Variants in ZBTB49 observed in about 807,000 individuals in gnomAD.
The protein encoded by ZBTB49 is zinc finger and BTB domain-containing protein 49.
Under a neutral mutation model 57.5 loss-of-function variants are expected in ZBTB49, and 43 were observed. The observed-to-expected ratio is 0.75, with a 90% CI of 0.59 to 0.97. ZBTB49 has a LOEUF of 0.97. Among genes scored for constraint, ZBTB49 ranks in the 50% least tolerant of loss-of-function variants. The pLI is 0.00. For synonymous variants in ZBTB49, 369 were observed against 362.1 expected, an observed-to-expected ratio of 1.02 and a Z score of -0.22; for missense variants, 938 against 947.7, an observed-to-expected ratio of 0.99 and a Z score of 0.13.
rs71169632 is a variant in ZBTB49 at position 4,299,810 on chromosome 4, T to TGTGAGA, written c.-19-116_-19-115insTGAGAG. On this transcript the variant is annotated intron_variant, in intron 1 of 7. Transcript: ENST00000337872. ...GTGTGTGTGTGTGTGTGTGTGTGTGTGAGAGAGAAACTGTGATGAGAGAGT... is the reference window on the plus strand; with the variant it reads ...GTGTGTGTGTGTGTGTGTGTGTGTGTGTGAGAGAGAGAGAAACTGTGATGAGAGAGT... 2.2e-4 allele frequency: 134 copies of TGTGAGA among 607,890 alleles called. No homozygotes were observed. In the African/African-American group the frequency reaches 2.4e-3, roughly 11 times the overall value. 37.7% of individuals were successfully genotyped at this position (607,890 alleles called of 1,614,324 possible).
intron 1 of ZBTB49, among the ~76,000 whole-genome samples, chr4:4,290,612 C>G (rs1359464526): frequency 6.6e-6 from 1 of 152,232 alleles, no homozygotes; most frequent in African/African-American, 2.4e-5. Context: ...CGGGCCTTCT[C>G]CCTGGTGCAG....
rs755167878 is a variant in ZBTB49, at chr4:4,302,321, C to G, written c.485C>G (p.Ala162Gly). 1 of 1,614,226 alleles carries G rather than the reference C, an allele frequency of 6.2e-7. No individual in the cohort carries two copies. The highest frequency in any genetic ancestry group is 1.1e-5 in the South Asian group (1 of 91,086). ...CCTCATTTACTGCAGGAATGTTCAG[C>G]AGATGCACAGCAGAACAAAACGTTG... Reference protein sequence around the residue: ...YPPHLLQECSADAQQNKTLDE... With the variant: ...YPPHLLQECSGDAQQNKTLDE... The change falls in exon 3 of 8, where the codon GCA becomes GGA. Residue 162 changes from alanine (A) to glycine (G), a missense_variant. Physicochemically the swap from Ala to Gly is moderately conservative, Grantham distance 60. This residue lies in a region of ZBTB49 where 835 missense variants were observed against 819.1 expected (regional missense o/e 1.02). Transcript: ENST00000337872.
chr4:4,291,437 T>A (rs1453258652), intron 1 of ZBTB49, among the ~76,000 whole-genome samples: 1 of 152,240 alleles, frequency 6.6e-6, no homozygotes, highest in Non-Finnish European at 1.5e-5. Context: ...CATTTTAACT[T>A]AATTACCTTC....
intron 1 of ZBTB49, among the ~76,000 whole-genome samples, chr4:4,290,558 G>C (rs1719841305): frequency 6.6e-6 from 1 of 152,254 alleles, no homozygotes; most frequent in South Asian, 2.1e-4. Context: ...CATCACAGGG[G>C]ACGCGGACTG....
intron 3 of ZBTB49, among the ~76,000 whole-genome samples, chr4:4,303,696 T>C (rs1282607306): frequency 1.3e-5 from 2 of 148,580 alleles, no homozygotes; most frequent in East Asian, 2.0e-4. Context: ...TCATGCCTCT[T>C]TCTCTTTCCC....
intron 1 of ZBTB49, among the ~76,000 whole-genome samples, chr4:4,295,301 G>A (rs1369610229): frequency 2.0e-5 from 3 of 152,154 alleles, no homozygotes; most frequent in Non-Finnish European, 4.4e-5. Flanking sequence ...AGAGAGAACC[G>A]GGTGGGGGGA....
At chr4:4,320,196 C>T (rs1721347600) in intron 7 of ZBTB49, among the ~76,000 whole-genome samples, 1 of 152,194 alleles carries the variant, frequency 6.6e-6, no homozygotes, top group Non-Finnish European at 1.5e-5. Flanking sequence ...TGGCAGGTGC[C>T]TACGGCACCC....
chr4:4,300,217 G>T, intron 2 of ZBTB49, 120 bp downstream of exon 2: 2 of 1,123,414 alleles, frequency 1.8e-6, no homozygotes, highest in Non-Finnish European at 1.2e-6. Flanking sequence ...TAGCACATTG[G>T]ATTTTGTAGG....
chr4:4,290,786 G>A (rs376953164), intron 1 of ZBTB49, among the ~76,000 whole-genome samples: 13 of 152,352 alleles, frequency 8.5e-5, no homozygotes, highest in Non-Finnish European at 1.6e-4. Context: ...CCACAGCCTA[G>A]CTCAGTTTCA....
At chr4:4,317,938 G>C (rs903139097) in intron 7 of ZBTB49, among the ~76,000 whole-genome samples, 1 of 152,154 alleles carries the variant, frequency 6.6e-6, no homozygotes, top group Non-Finnish European at 1.5e-5. Flanking sequence ...GGCTTCGTTG[G>C]GGTTTCACTG....
At chr4:4,320,214 G>C (rs924058890) in intron 7 of ZBTB49, among the ~76,000 whole-genome samples, 2 of 152,356 alleles carry the variant, frequency 1.3e-5, no homozygotes, top group African/African-American at 4.8e-5. Context: ...CCCATGTGCA[G>C]GGAGACTCAG....
At chr4:4,310,569 G>T (rs1720944996) in intron 4 of ZBTB49, among the ~76,000 whole-genome samples, 1 of 149,826 alleles carries the variant, frequency 6.7e-6, no homozygotes, top group South Asian at 2.1e-4. Flanking sequence ...GAGTGCAGTG[G>T]CATGATCTCG....
At chr4:4,292,071 G>C (rs1489040083) in intron 1 of ZBTB49, among the ~76,000 whole-genome samples, 1 of 152,148 alleles carries the variant, frequency 6.6e-6, no homozygotes, top group Non-Finnish European at 1.5e-5. Context: ...TCAGGAGTTT[G>C]ACACCAGCCT....
At chr4:4,299,725 A>T (rs1281741415) in intron 1 of ZBTB49, among the ~76,000 whole-genome samples, 5 of 151,922 alleles carry the variant, frequency 3.3e-5, no homozygotes, top group African/African-American at 1.2e-4. Context: ...CATTTCCATC[A>T]TGACAGGTAA....
At chr4:4,306,111 A>G (rs748656169) in intron 3 of ZBTB49, 27 bp from the exon 4 acceptor site, 1 of 1,605,680 alleles carries the variant, frequency 6.2e-7, no homozygotes, top group Admixed American at 1.7e-5. Context: ...TAATGATTTT[A>G]CAAGTTGTTG....
At chr4:4,318,009 T>C (rs1429925058) in intron 7 of ZBTB49, among the ~76,000 whole-genome samples, 1 of 152,120 alleles carries the variant, frequency 6.6e-6, no homozygotes. Context: ...GTACAGTGGG[T>C]GGCAGCCCTC....
chr4:4,315,930 T>A lies in ZBTB49; in HGVS notation c.1581T>A (p.Ile527=). The A allele has an allele frequency of 6.2e-7, 1 of 1,614,104 alleles. No individual in the cohort carries two copies. Among genetic ancestry groups the A allele is most frequent in the Non-Finnish European group, 8.5e-7 (1 of 1,180,008 alleles). The change falls in exon 7 of 8, where the codon ATT becomes ATA. Residue 527 remains isoleucine, a synonymous_variant. Transcript: ENST00000337872. ...NMQRKLVKHR[I]RHTGERPYSC... ...AAAGGAAGTTAGTAAAGCACAGAATTCGGCACACGGGGGAGCGGCCTTACA... is the reference window on the plus strand; with the variant it reads ...AAAGGAAGTTAGTAAAGCACAGAATACGGCACACGGGGGAGCGGCCTTACA...
chr4:4,299,575 G>C (rs1720379375), intron 1 of ZBTB49, among the ~76,000 whole-genome samples: 1 of 151,752 alleles, frequency 6.6e-6, no homozygotes, highest in Non-Finnish European at 1.5e-5. Flanking sequence ...ATATTAACAT[G>C]GTCATATTCT....
At position 4,320,890 on chromosome 4, in the gene ZBTB49, G is replaced by C; in HGVS notation, c.1872G>C (p.Thr624=). The C allele has an allele frequency of 6.2e-7, 1 of 1,614,168 alleles. No homozygotes were observed. Among genetic ancestry groups the C allele is most frequent in the Non-Finnish European group, 8.5e-7 (1 of 1,180,038 alleles). The change falls in exon 8 of 8, where the codon ACG becomes ACC. Residue 624 remains threonine (T), a synonymous_variant. Transcript: ENST00000337872. The part of the protein sequence containing the change: ...SDSFSQDTSV[T]LMPVSVKLPV... ...CTTTCTCCCAAGACACGTCTGTGAC[G>C]CTGATGCCAGTGTCGGTTAAACTCC...
Sources: gnomAD v4.1 joint callset for allele counts (sites outside exome capture counted in the v4.1 genomes callset) on GRCh38, gnomAD v4.1.1 for gene constraint, gnomAD v4.1.1 regional missense constraint, MANE v1.5 for transcripts, NCBI Gene and HGNC (gene_info 2026-07-23, HGNC 2026-07-21) for gene names.